ADH7: variants seen among roughly 807,000 people sequenced by gnomAD.
ADH7 encodes all-trans-retinol dehydrogenase [NAD(+)] ADH7.
ADH7 carries 41 observed loss-of-function variants against 34.4 expected under a neutral mutation model. The ratio of observed to expected loss-of-function variants is 1.19; its 90% confidence interval spans 0.93 to 1.55. The LOEUF (loss-of-function observed/expected upper bound fraction) is 1.55. ADH7 is among the 40% of genes most tolerant of loss of function. ADH7 has a pLI of 0.00. For synonymous variants in ADH7, 180 were observed against 160.9 expected (o/e 1.12, Z -0.90); for missense variants, 540 against 461.2 (o/e 1.17, Z -1.56).
chr4:99,430,659 A>G (rs1169286760), intron 1 of ADH7, among the ~76,000 whole-genome samples: 1 of 152,232 alleles, frequency 6.6e-6, no homozygotes, highest in Non-Finnish European at 1.5e-5. Context: ...AGCCATCAGT[A>G]GCTCAATTTA....
intron 8 of ADH7, 61 bp downstream of exon 8, chr4:99,415,417 A>T: frequency 6.6e-7 from 1 of 1,511,000 alleles, no homozygotes; most frequent in South Asian, 1.2e-5. Context: ...CACATTTATA[A>T]GTACTAAATT....
In ADH7 at chr4:99,435,215, C is replaced by A; in HGVS notation, c.18+1G>T. On this transcript the variant is annotated splice_donor_variant, in intron 1 of 8. Transcript: ENST00000437033. LOFTEE classifies it high-confidence loss of function. Reference sequence around the variant, plus strand: ...GGAGGGGACAGAAATGTTCCACTTACTTTTCCAGCAGTGCCCATCCTGTCT... The same window carrying A: ...GGAGGGGACAGAAATGTTCCACTTAATTTTCCAGCAGTGCCCATCCTGTCT... 1 of 1,613,204 alleles carries A rather than the reference C, an allele frequency of 6.2e-7. No individual in the cohort carries two copies. The highest frequency in any genetic ancestry group is 8.5e-7 in the Non-Finnish European group (1 of 1,179,662).
intron 5 of ADH7, 104 bp from the exon 6 acceptor site, chr4:99,420,897 C>A (rs1721642423): frequency 9.9e-7 from 1 of 1,012,982 alleles, no homozygotes; most frequent in East Asian, 2.6e-5. Context: ...AACTCCCATT[C>A]ACAATTGCTA....
At chr4:99,419,673 C>A (rs1289738969) in intron 6 of ADH7, among the ~76,000 whole-genome samples, 1 of 152,042 alleles carries the variant, frequency 6.6e-6, no homozygotes, top group Non-Finnish European at 1.5e-5. Context: ...TAGAGACCAG[C>A]CTTCATCAAG....
chr4:99,413,095 C>T lies in ADH7; in HGVS notation c.*53G>A. ...ATGATTTCAGATGAGGGAACTCTCACAAGAGAAACTCCAGTTCACCATGAC... is the reference window on the plus strand; with the variant it reads ...ATGATTTCAGATGAGGGAACTCTCATAAGAGAAACTCCAGTTCACCATGAC... On this transcript the variant is annotated 3_prime_UTR_variant, in exon 9 of 9. Coordinates refer to ENST00000437033, the MANE Select transcript of ADH7 (RefSeq NM_000673.7). 3.8e-6 allele frequency: 6 copies of T among 1,599,516 alleles called. No homozygotes were observed. Among genetic ancestry groups the T allele is most frequent in the Non-Finnish European group, 5.1e-6 (6 of 1,168,656 alleles).
intron 5 of ADH7, among the ~76,000 whole-genome samples, chr4:99,426,788 G>A (rs1721817913): frequency 6.6e-6 from 1 of 152,182 alleles, no homozygotes; most frequent in Non-Finnish European, 1.5e-5. Context: ...TATCCTTGAT[G>A]AACATTGATG....
intron 4 of ADH7, 40 bp from the exon 5 acceptor site, chr4:99,428,029 T>C: frequency 1.2e-6 from 2 of 1,612,798 alleles, no homozygotes; most frequent in Non-Finnish European, 1.7e-6. Flanking sequence ...TTAATTCAAT[T>C]CAAAAATTAG....
intron 8 of ADH7, 71 bp from the exon 9 acceptor site, chr4:99,413,243 G>C (rs1721449556): frequency 6.6e-7 from 1 of 1,520,484 alleles, no homozygotes; most frequent in African/African-American, 1.4e-5. Context: ...TTAAACAATT[G>C]TCCTTTCTAT....
intron 7 of ADH7, among the ~76,000 whole-genome samples, chr4:99,418,535 A>T (rs912597065): frequency 6.6e-6 from 1 of 152,212 alleles, no homozygotes; most frequent in Non-Finnish European, 1.5e-5. Flanking sequence ...AAGTCCTTCC[A>T]GTGTGAATCT....
At chr4:99,431,221 G>A in intron 1 of ADH7, among the ~76,000 whole-genome samples, 1 of 152,198 alleles carries the variant, frequency 6.6e-6, no homozygotes, top group Non-Finnish European at 1.5e-5. Context: ...GACAAGCCAT[G>A]GGGAAAGAAT....
intron 7 of ADH7, 79 bp from the exon 8 acceptor site, chr4:99,415,695 C>G (rs1436882843): frequency 7.2e-7 from 1 of 1,394,262 alleles, no homozygotes; most frequent in Non-Finnish European, 9.9e-7. Flanking sequence ...TATTCCTTCT[C>G]TTTCCTGCAC....
chr4:99,421,003 G>A (rs1157963442), intron 5 of ADH7, among the ~76,000 whole-genome samples: 1 of 152,080 alleles, frequency 6.6e-6, no homozygotes, highest in African/African-American at 2.4e-5. Flanking sequence ...AATAAGAGAG[G>A]ACACAAACAA....
intron 2 of ADH7, among the ~76,000 whole-genome samples, chr4:99,429,129 G>A (rs1721883144): frequency 6.6e-6 from 1 of 152,160 alleles, no homozygotes; most frequent in African/African-American, 2.4e-5. Flanking sequence ...CAAAGAAAGG[G>A]AGGAAAACGT....
At chr4:99,426,747 GAC>G (rs1240632188) in intron 5 of ADH7, among the ~76,000 whole-genome samples, 1 of 152,078 alleles carries the variant, frequency 6.6e-6, no homozygotes, top group East Asian at 1.9e-4. Context: ...GCTGGGTAGA[GAC>G]ACAACCAAAA....
At chr4:99,419,795 C>T (rs1721606450) in intron 6 of ADH7, among the ~76,000 whole-genome samples, 1 of 152,016 alleles carries the variant, frequency 6.6e-6, no homozygotes, top group Admixed American at 6.6e-5. Context: ...AAGTGATTCA[C>T]TAGGAAAGAA....
chr4:99,426,309 C>T (rs902638371), intron 5 of ADH7, among the ~76,000 whole-genome samples: 12 of 151,904 alleles, frequency 7.9e-5, no homozygotes, highest in Non-Finnish European at 1.3e-4. Flanking sequence ...TGATAGACCG[C>T]TAGCAAGACT....
At chr4:99,432,040 A>G (rs566430637) in intron 1 of ADH7, among the ~76,000 whole-genome samples, 1 of 152,326 alleles carries the variant, frequency 6.6e-6, no homozygotes, top group Non-Finnish European at 1.5e-5. Context: ...AGCACTATTC[A>G]CAATAGCAAA....
At chr4:99,421,250 A>G (rs1033943342) in intron 5 of ADH7, among the ~76,000 whole-genome samples, 2 of 152,180 alleles carry the variant, frequency 1.3e-5, no homozygotes, top group Non-Finnish European at 2.9e-5. Context: ...CCTTCAAACT[A>G]TACTACAAGG....
rs932646728 is a variant in ADH7 at position 99,412,435 on chromosome 4, T to A, written c.*713A>T. ...TTCTACTGTATCAAATTGAACATTA[T>A]GATAAGTATGATAATATGATTCTAG... is the stretch of plus-strand genomic sequence containing the variant. On this transcript the variant is annotated 3_prime_UTR_variant, in exon 9 of 9. Transcript: ENST00000437033. The A allele has an allele frequency of 6.6e-6, 1 of 152,140 alleles. No individual in the cohort carries two copies. The highest frequency in any genetic ancestry group is 1.5e-5 in the Non-Finnish European group (1 of 67,986). The allele number at this position is 152,140 out of a possible 1,614,324, so 9.4% of individuals were successfully genotyped here.
Sources: allele counts gnomAD v4.1 joint callset (sites outside exome capture counted in the v4.1 genomes callset), GRCh38; gene constraint gnomAD v4.1.1; transcripts MANE v1.5; gene names NCBI Gene and HGNC (gene_info 2026-07-23, HGNC 2026-07-21).